TTC39A: variants seen among roughly 807,000 people sequenced by gnomAD.
TTC39A encodes tetratricopeptide repeat domain 39A, also known as tetratricopeptide repeat protein 39A.
TTC39A carries 46 observed loss-of-function variants against 82.3 expected under a neutral mutation model. The observed-to-expected ratio is 0.56, with a 90% CI of 0.44 to 0.71. The LOEUF (loss-of-function observed/expected upper bound fraction) is 0.71, where lower values mean the gene tolerates loss of function less well. Among genes scored for constraint, TTC39A ranks in the 30% least tolerant of loss-of-function variants. TTC39A has a pLI of 0.00. For synonymous variants in TTC39A, 254 were observed against 275.2 expected, an observed-to-expected ratio of 0.92 and a Z score of 0.76; for missense variants, 543 against 712.9, an observed-to-expected ratio of 0.76 and a Z score of 2.71.
chr1:51,336,578 G>T (rs2148319770), intron 1 of TTC39A, among the ~76,000 whole-genome samples: 1 of 152,284 alleles, frequency 6.6e-6, no homozygotes, highest in Middle Eastern at 3.4e-3. Context: ...CTAATGAGGG[G>T]TTTCCAGCAT....
In TTC39A at chr1:51,296,089, C is replaced by T; in HGVS notation, c.1135G>A (p.Glu379Lys). The T allele has an allele frequency of 6.3e-7, 1 of 1,587,250 alleles. No homozygotes were observed. Among genetic ancestry groups the T allele is most frequent in the Admixed American group, 1.8e-5 (1 of 56,098 alleles). ...CGATGTGGGACCCACCGAAATAATTCCACTTCGTCGTCCCCGAACGGCTTG... is the reference window on the plus strand; with the variant it reads ...CGATGTGGGACCCACCGAAATAATTTCACTTCGTCGTCCCCGAACGGCTTG... ...DHKPFGDDEV[E>K]LFRAVPGLKL... Residue 379 changes from glutamate (E) to lysine (K), a missense_variant, in exon 13 of 18, where the codon GAA becomes AAA. Coordinates refer to ENST00000680483, the MANE Select transcript of TTC39A (RefSeq NM_001297663.2).
At chr1:51,329,159 G>T (rs1175824721) in intron 1 of TTC39A, among the ~76,000 whole-genome samples, 1 of 152,210 alleles carries the variant, frequency 6.6e-6, no homozygotes, top group East Asian at 1.9e-4. Flanking sequence ...AAGGAAGTGG[G>T]ATGAATGTGG....
Position 51,288,248 on chromosome 1 carries a change from C to T in TTC39A, c.1643G>A (p.Arg548Lys), listed in dbSNP as rs1644061600. ...QNYKNYSMES[R>K]THFRIQAATL... ...GGCTGCCTGGATTCGAAAGTGTGTC[C>T]TTGACTCCATGGAGTAATTCTTGTA... Residue 548 changes from arginine (R) to lysine (K), a missense_variant, in exon 18 of 18, where the codon AGG becomes AAG. Physicochemically the swap from Arg to Lys is conservative, Grantham distance 26. Coordinates refer to ENST00000680483, the MANE Select transcript of TTC39A (RefSeq NM_001297663.2). This position sits in a 1 kb window ranked among gnomAD's most constrained non-coding sequence, Gnocchi z 4.8. 6.2e-7 allele frequency: 1 copy of T among 1,613,982 alleles called. No homozygotes were observed. Among genetic ancestry groups the T allele is most frequent in the Non-Finnish European group, 8.5e-7 (1 of 1,179,858 alleles).
At chr1:51,344,329 T>C (rs566747477) in intron 1 of TTC39A, among the ~76,000 whole-genome samples, 13 of 152,204 alleles carry the variant, frequency 8.5e-5, no homozygotes, top group African/African-American at 3.1e-4. Flanking sequence ...GATGTAAATA[T>C]GCGGGGAGGG....
intron 1 of TTC39A, chr1:51,343,200 G>A (rs1646058186): frequency 7.8e-6 from 3 of 386,864 alleles, no homozygotes; most frequent in Admixed American, 5.3e-5. Context: ...GGAACATGGG[G>A]ACAAATGAGC....
At chr1:51,320,781 T>A (rs947016486) in intron 2 of TTC39A, among the ~76,000 whole-genome samples, 6 of 150,526 alleles carry the variant, frequency 4.0e-5, no homozygotes, top group African/African-American at 1.5e-4. Flanking sequence ...TACCCCAATA[T>A]TGTGATATAA....
chr1:51,337,798 G>C lies in TTC39A; in HGVS notation c.53+7193C>G, dbSNP rs927951369. Among the ~76,000 whole-genome samples, 131 of 152,162 alleles carry C rather than the reference G, an allele frequency of 8.6e-4. 1 individual carries two copies. Among genetic ancestry groups the C allele is most frequent in the African/African-American group, 3.1e-3 (128 of 41,516 alleles). On this transcript the variant is annotated intron_variant, in intron 1 of 5. Transcript: ENST00000401051. ...CTGCCCTGCATTATTTTTCCACAGC[G>C]CTTGTTGTCAAGTGACATCTTTTTA...
At chr1:51,311,230 C>G in intron 5 of TTC39A, 24 bp downstream of exon 5, 1 of 1,561,400 alleles carries the variant, frequency 6.4e-7, no homozygotes, top group Non-Finnish European at 8.7e-7. Context: ...ATCCCAGCCT[C>G]TTTGTACAAG....
At chr1:51,335,485 C>T (rs140271725), upstream of TTC39A, among the ~76,000 whole-genome samples, 8,468 of 146,980 alleles carry the variant, frequency 0.058, 778 homozygotes, top group African/African-American at 0.2. Flanking sequence ...CACTTGAACC[C>T]GGGAGGTGGA....
At chr1:51,300,081 C>G (rs892912487) in intron 12 of TTC39A, 3 of 152,182 alleles carry the variant, frequency 2.0e-5, no homozygotes, top group Admixed American at 1.3e-4. Flanking sequence ...ACTCTAGGAG[C>G]AAGAGAGAAG....
intron 1 of TTC39A, among the ~76,000 whole-genome samples, chr1:51,324,732 T>C (rs1363812911): frequency 6.6e-6 from 1 of 151,762 alleles, no homozygotes; most frequent in Non-Finnish European, 1.5e-5. Flanking sequence ...CCATGTTGGC[T>C]AGGCTGGTAT....
At position 51,288,749 on chromosome 1, in the gene TTC39A, T is replaced by A; in HGVS notation, c.1610+90A>T. The A allele has an allele frequency of 6.4e-6, 8 of 1,258,406 alleles. No homozygotes were observed. Among genetic ancestry groups the A allele is most frequent in the Non-Finnish European group, 9.0e-6 (8 of 890,476 alleles). 78.0% of individuals were successfully genotyped at this position (1,258,406 alleles called of 1,614,324 possible). ...AGACTGGCCTTGCTAGCAACTCCACTCACTGCTCTCTGGGCAACTCTGTCC... is the reference window on the plus strand; with the variant it reads ...AGACTGGCCTTGCTAGCAACTCCACACACTGCTCTCTGGGCAACTCTGTCC... On this transcript the variant is annotated intron_variant, in intron 17 of 17. Transcript: ENST00000680483. The surrounding 1 kb of genome is among the most constrained non-coding windows in gnomAD (Gnocchi z 4.8).
At chr1:51,305,742 C>A in intron 7 of TTC39A, 1 of 555,598 alleles carries the variant, frequency 1.8e-6, no homozygotes. Context: ...AAGCTACTGG[C>A]CTGACTTGGG....
chr1:51,342,745 A>G (rs768734708), intron 1 of TTC39A, among the ~76,000 whole-genome samples: 5 of 152,216 alleles, frequency 3.3e-5, no homozygotes, highest in African/African-American at 4.8e-5. Flanking sequence ...CAGCTGAAGC[A>G]CAAAGGCGCA....
chr1:51,288,137 C>T lies in TTC39A; in HGVS notation c.*20G>A. ...CTGTCCAGCTGTCTCTGTCTTCCAG[C>T]CCGGAACTGCTGCACAAAGCTACAA... On this transcript the variant is annotated 3_prime_UTR_variant, in exon 18 of 18. Transcript: ENST00000680483. This position sits in a 1 kb window ranked among gnomAD's most constrained non-coding sequence, Gnocchi z 4.8. 6.2e-7 allele frequency: 1 copy of T among 1,613,804 alleles called. No individual in the cohort carries two copies. Among genetic ancestry groups the T allele is most frequent in the African/African-American group, 1.3e-5 (1 of 75,056 alleles).
chr1:51,298,075 A>G (rs2148149673), intron 12 of TTC39A: 1 of 152,536 alleles, frequency 6.6e-6, no homozygotes, highest in Middle Eastern at 3.4e-3. Flanking sequence ...AGCCCCTCCC[A>G]TCACTCCCTG....
intron 13 of TTC39A, chr1:51,295,765 T>C: frequency 2.3e-6 from 1 of 431,384 alleles, no homozygotes; most frequent in South Asian, 2.6e-5. Context: ...AGACCTTCCC[T>C]CCCTGGACCT....
rs1198815594 is a variant in TTC39A, at chr1:51,330,552, C to T, written c.-75G>A. 7 of 983,464 alleles carry T rather than the reference C, an allele frequency of 7.1e-6. No homozygotes were observed. In the East Asian group the frequency reaches 4.5e-4, roughly 64 times the overall value. The allele number at this position is 983,464 out of a possible 1,614,324, so 60.9% of individuals were successfully genotyped here. On this transcript the variant is annotated 5_prime_UTR_variant, in exon 1 of 18. Coordinates refer to ENST00000680483, the MANE Select transcript of TTC39A (RefSeq NM_001297663.2). The surrounding 1 kb of genome is among the most constrained non-coding windows in gnomAD (Gnocchi z 4.5). ...CAGGTGCTGCCGCCGCAACCCCGAG[C>T]CGGGCGCTGTGCGGTCGCGGACGCG...
At chr1:51,325,452 C>T (rs138045454) in intron 1 of TTC39A, among the ~76,000 whole-genome samples, 20 of 152,254 alleles carry the variant, frequency 1.3e-4, no homozygotes, top group African/African-American at 4.8e-4. Context: ...GTGTTCAAGC[C>T]ATTCATCTCT....
Sources: gnomAD v4.1 joint callset for allele counts (sites outside exome capture counted in the v4.1 genomes callset) on GRCh38, gnomAD v4.1.1 for gene constraint, Gnocchi (gnomAD v3.1) non-coding constraint, MANE v1.5 for transcripts, NCBI Gene and HGNC (gene_info 2026-07-23, HGNC 2026-07-21) for gene names.